TNXB: variants seen among roughly 807,000 people sequenced by gnomAD.
TNXB encodes the protein tenascin-X.
Under a neutral mutation model 340.5 loss-of-function variants are expected in TNXB, and 183 were observed. The ratio of observed to expected loss-of-function variants is 0.54; its 90% CI spans 0.48 to 0.61. The LOEUF (loss-of-function observed/expected upper bound fraction) is 0.61. Among genes scored for constraint, TNXB ranks in the 20% least tolerant of loss-of-function variants. TNXB has a pLI of 0.00. For missense variants in TNXB, 4,613 were observed against 5,446.4 expected (o/e 0.85, Z 4.82); for synonymous variants, 2,121 against 2,314.5 (o/e 0.92, Z 2.40).
intron 11 of TNXB, chr6:32,078,486 A>C (rs997681281): frequency 6.5e-6 from 1 of 152,960 alleles, no homozygotes; most frequent in East Asian, 1.9e-4. Context: ...GAAAGAAAAG[A>C]AAGCTTGCTT....
rs757106779 is a variant in TNXB at position 32,097,750 on chromosome 6, C to T, written c.403+46G>A. 5.4e-6 allele frequency: 8 copies of T among 1,489,394 alleles called. No individual in the cohort carries two copies. The highest frequency in any genetic ancestry group is 2.9e-5 in the South Asian group (2 of 68,716). 92.3% of individuals were successfully genotyped at this position (1,489,394 alleles called of 1,614,324 possible). A position where few individuals can be genotyped will look rare whatever the true frequency, so the allele number is the denominator to read the frequency against. On this transcript the variant is annotated intron_variant, in intron 2 of 43. Coordinates refer to ENST00000644971, the MANE Select transcript of TNXB (RefSeq NM_001365276.2). This position sits in a 1 kb window ranked among gnomAD's most constrained non-coding sequence, Gnocchi z 5.9. ...AAGGACCTTTATGGACTAGCAATGC[C>T]CACCCCACCCCACCTCTCCACCCTC... is the stretch of plus-strand genomic sequence containing the variant.
At chr6:32,093,244 C>A in intron 4 of TNXB, 1 of 644,388 alleles carries the variant, frequency 1.6e-6, no homozygotes, top group Non-Finnish European at 2.8e-6. Context: ...GTTAGCAGTG[C>A]TTGTTTTAGT....
rs1777439723 is a variant in TNXB, at chr6:32,053,609, G to A, written c.8570C>T (p.Pro2857Leu). The A allele has an allele frequency of 3.7e-6, 6 of 1,613,648 alleles. No individual in the cohort carries two copies. The highest frequency in any genetic ancestry group is 5.1e-6 in the Non-Finnish European group (6 of 1,179,842). Reference sequence around the variant, plus strand: ...CATCCAGGACAGGCTGAGGGAGTCAGGGGTGGCATCTGTCACGGTCAGCTC... The same window carrying A: ...CATCCAGGACAGGCTGAGGGAGTCAAGGGTGGCATCTGTCACGGTCAGCTC... ...LGELTVTDAT[P>L]DSLSLSWMVP... The change falls in exon 25 of 44, where the codon CCT (proline) becomes CTT (leucine). Residue 2857 changes from proline (P) to leucine (L), a missense_variant. By Grantham distance (98) the Pro-to-Leu change is moderately conservative (BLOSUM62 -3). Coordinates refer to ENST00000644971, the MANE Select transcript of TNXB (RefSeq NM_001365276.2).
chr6:32,062,826 C>T lies in TNXB; in HGVS notation c.6842-343G>A, dbSNP rs1183224762. On this transcript the variant is annotated intron_variant, in intron 19 of 43. Coordinates refer to ENST00000644971, the MANE Select transcript of TNXB (RefSeq NM_001365276.2). This position sits in a 1 kb window ranked among gnomAD's most constrained non-coding sequence, Gnocchi z 4.3. ...ATCTCAGCACTTTGGGAGGCCGAGG[C>T]GGGCGGATCATGAGGTCAGGAGATT... Among the ~76,000 whole-genome samples the T allele has an allele frequency of 2.6e-5, 4 of 151,616 alleles. No homozygotes were observed. Among genetic ancestry groups the T allele is most frequent in the Admixed American group, 1.3e-4 (2 of 15,196 alleles).
Position 32,048,386 on chromosome 6 carries a change from G to A in TNXB, c.10022C>T (p.Pro3341Leu). The A allele has an allele frequency of 6.6e-7, 1 of 1,521,922 alleles. No homozygotes were observed. Among genetic ancestry groups the A allele is most frequent in the Non-Finnish European group, 8.9e-7 (1 of 1,129,708 alleles). The allele number at this position is 1,521,922 out of a possible 1,614,324, so 94.3% of individuals were successfully genotyped here. ...ACCGGTCCTGGCCTCCACAGGGACTGGGCCGTGGCGTTTCCCATTCTGGAG... is the reference window on the plus strand; with the variant it reads ...ACCGGTCCTGGCCTCCACAGGGACTAGGCCGTGGCGTTTCCCATTCTGGAG... ...FGLQNGKRHGPVPVEARTAPD... is the reference protein window; with the variant it reads ...FGLQNGKRHGLVPVEARTAPD... Residue 3341 changes from proline (P) to leucine (L), a missense_variant, in exon 29 of 44, where the codon CCA (proline) becomes CTA (leucine). By Grantham distance (98) the Pro-to-Leu change is moderately conservative. This residue lies in a region of TNXB where 4,327 missense variants were observed against 4,859.4 expected (regional missense o/e 0.89). Transcript: ENST00000644971.
chr6:32,067,768 C>G lies in TNXB; in HGVS notation c.6437G>C (p.Ser2146Thr). Residue 2146 changes from serine to threonine, a missense_variant, in exon 18 of 44, where the codon AGT becomes ACT. By Grantham distance (58) the Ser-to-Thr change is moderately conservative. Around this residue, in one of 7 missense-constraint regions of TNXB, gnomAD observed 4,327 missense variants for 4,859.4 expected, o/e 0.89. Coordinates refer to ENST00000644971, the MANE Select transcript of TNXB (RefSeq NM_001365276.2). This position sits in a 1 kb window ranked among gnomAD's most constrained non-coding sequence, Gnocchi z 4.2. ...CTCCAGGCCCCCCACGGTGACTTCA[C>G]TCTCCTCGCCCCCAACACGCACCAC... The part of the protein sequence containing the change: ...PQVVRVGGEE[S>T]EVTVGGLEPG... 1.2e-6 allele frequency: 2 copies of G among 1,613,640 alleles called. No homozygotes were observed. Among genetic ancestry groups the G allele is most frequent in the Non-Finnish European group, 1.7e-6 (2 of 1,179,864 alleles).
rs767643312 is a variant in TNXB, at chr6:32,058,109, C to T, written c.7774G>A (p.Gly2592Ser). Residue 2592 changes from glycine to serine, a missense_variant, in exon 22 of 44, where the codon GGC (glycine) becomes AGC (serine). Physicochemically the swap from Gly to Ser is moderately conservative, Grantham distance 56. Around this residue, in one of 7 missense-constraint regions of TNXB, gnomAD observed 4,327 missense variants for 4,859.4 expected, o/e 0.89. Transcript: ENST00000644971. The surrounding 1 kb of genome is among the most constrained non-coding windows in gnomAD (Gnocchi z 5.1). ...CCCAGGCGCCGCCCCTCGTGGAGGC[C>T]GTACAGGTGCATCTTGTACTTGCGC... ...PGRKYKMHLY[G>S]LHEGRRLGPV... is the part of the protein sequence containing the mutation. The T allele has an allele frequency of 2.4e-5, 38 of 1,612,508 alleles. No individual in the cohort carries two copies. Among genetic ancestry groups the T allele is most frequent in the Non-Finnish European group, 3.1e-5 (36 of 1,179,724 alleles).
intron 1 of TNXB, among the ~76,000 whole-genome samples, chr6:32,107,841 G>A (rs1198161943): frequency 2.6e-5 from 4 of 152,110 alleles, no homozygotes; most frequent in African/African-American, 9.7e-5. Flanking sequence ...ATCTGGCAAT[G>A]AGAGGTGAAG....
In TNXB at chr6:32,097,514, T is replaced by G; in HGVS notation, c.404-65A>C. ...TGGGAGAGAGGCTGAGCCTATGTAG[T>G]GCTCCTATGTGCAGGCCCCTAGCCA... On this transcript the variant is annotated intron_variant, in intron 2 of 43. Coordinates refer to ENST00000644971, the MANE Select transcript of TNXB (RefSeq NM_001365276.2). The surrounding 1 kb of genome is among the most constrained non-coding windows in gnomAD (Gnocchi z 5.9). 1 of 1,524,826 alleles carries G rather than the reference T, an allele frequency of 6.6e-7. No homozygotes were observed. Among genetic ancestry groups the G allele is most frequent in the Non-Finnish European group, 8.8e-7 (1 of 1,137,546 alleles). The allele number at this position is 1,524,826 out of a possible 1,614,324, so 94.5% of individuals were successfully genotyped here.
Position 32,082,389 on chromosome 6 carries a change from C to T in TNXB, c.3446-63G>A, listed in dbSNP as rs996674256. The T allele has an allele frequency of 7.4e-6, 11 of 1,478,484 alleles. No individual in the cohort carries two copies. In the African/African-American group the frequency reaches 1.5e-4, roughly 21 times the overall value. The allele number at this position is 1,478,484 out of a possible 1,614,324, so 91.6% of individuals were successfully genotyped here. A position where few individuals can be genotyped will look rare whatever the true frequency, so the allele number is the denominator to read the frequency against. Reference sequence around the variant, plus strand: ...TCCAAGGAGAATGGGGAAGCCAAATCCCACATAGGAATGCTGTGTGAGGCT... The same window carrying T: ...TCCAAGGAGAATGGGGAAGCCAAATTCCACATAGGAATGCTGTGTGAGGCT... On this transcript the variant is annotated intron_variant, in intron 8 of 43. Transcript: ENST00000644971. The surrounding 1 kb of genome is among the most constrained non-coding windows in gnomAD (Gnocchi z 5.0).
At chr6:32,050,425 C>T in intron 26 of TNXB, 104 bp from the exon 27 acceptor site, 1 of 1,411,510 alleles carries the variant, frequency 7.1e-7, no homozygotes, top group Non-Finnish European at 9.7e-7. Context: ...ACGATGCTGC[C>T]CACAGCGCCT....
In TNXB at chr6:32,069,770, G is replaced by A. The variant is rs1778645459; in HGVS notation, c.5370C>T (p.Asn1790=). The A allele has an allele frequency of 1.2e-6, 2 of 1,611,734 alleles. No homozygotes were observed. The highest frequency in any genetic ancestry group is 2.7e-5 in the African/African-American group (2 of 74,868). The change falls in exon 15 of 44, where the codon AAC becomes AAT. Residue 1790 remains asparagine, a synonymous_variant. Coordinates refer to ENST00000644971, the MANE Select transcript of TNXB (RefSeq NM_001365276.2). The surrounding 1 kb of genome is among the most constrained non-coding windows in gnomAD (Gnocchi z 6.2). The stretch of plus-strand genomic sequence containing the variant: ...GGACTGTCCAGGAGAGGCCCACGGA[G>A]TTCTGGGTCACGGTGGTCACCTGCA... The part of the protein sequence containing the change: ...EELQVTTVTQ[N]SVGLSWTVPE...
rs746370739 is a variant in TNXB at position 32,097,820 on chromosome 6, G to C, written c.379C>G (p.Pro127Ala). Residue 127 changes from proline to alanine, a missense_variant, in exon 2 of 44, where the codon CCT becomes GCT. Coordinates refer to ENST00000644971, the MANE Select transcript of TNXB (RefSeq NM_001365276.2). The surrounding 1 kb of genome is among the most constrained non-coding windows in gnomAD (Gnocchi z 5.9). ...CCTGTGCCAGCTTGGGCAGAGGCAG[G>C]ACAACATCCCCCAGTGCACTGTTCC... Reference protein sequence around the residue: ...LKEQCTGGCCPASAQAGTGQT... With the variant: ...LKEQCTGGCCAASAQAGTGQT... 1 of 1,507,344 alleles carries C rather than the reference G, an allele frequency of 6.6e-7. No homozygotes were observed. Among genetic ancestry groups the C allele is most frequent in the South Asian group, 1.4e-5 (1 of 72,962 alleles). 93.4% of individuals were successfully genotyped at this position (1,507,344 alleles called of 1,614,324 possible).
At position 32,096,379 on chromosome 6, in the gene TNXB, A is replaced by C; in HGVS notation, c.1474T>G (p.Cys492Gly). The C allele has an allele frequency of 1.3e-6, 2 of 1,563,168 alleles. No homozygotes were observed. The highest frequency in any genetic ancestry group is 1.2e-5 in the South Asian group (1 of 86,142). The change falls in exon 3 of 44, where the codon TGC (cysteine) becomes GGC (glycine). Residue 492 changes from cysteine to glycine, a missense_variant. Coordinates refer to ENST00000644971, the MANE Select transcript of TNXB (RefSeq NM_001365276.2). ...TCGCCAGGACAGGCGCGCGTGCCGC[A>C]GTCCCGGCCTGTGTACCCCGGCCAA... is the stretch of plus-strand genomic sequence containing the variant. The part of the protein sequence containing the change: ...MCWPGYTGRD[C>G]GTRACPGDCR...
Position 32,084,203 on chromosome 6 carries a change from C to A in TNXB, c.3445+210G>T, listed in dbSNP as rs1419405581. 6.6e-6 allele frequency among the ~76,000 whole-genome samples: 1 copy of A among 152,172 alleles called. No homozygotes were observed. Among genetic ancestry groups the A allele is most frequent in the African/African-American group, 2.4e-5 (1 of 41,430 alleles). On this transcript the variant is annotated intron_variant, in intron 8 of 43. Coordinates refer to ENST00000644971, the MANE Select transcript of TNXB (RefSeq NM_001365276.2). This position sits in a 1 kb window ranked among gnomAD's most constrained non-coding sequence, Gnocchi z 5.5. ...AACAGTGATTCTCTTACTGGCCATG[C>A]TCTCCCCACCTTACTCACCGTGACT... is the stretch of plus-strand genomic sequence containing the variant.
chr6:32,050,566 G>T (rs988963324), intron 26 of TNXB, among the ~76,000 whole-genome samples: 2 of 123,052 alleles, frequency 1.6e-5, no homozygotes, highest in African/African-American at 3.0e-5. Flanking sequence ...CTCCAGCACC[G>T]CCTCTCTTTT....
chr6:32,056,014 C>A lies in TNXB; in HGVS notation c.8304G>T (p.Val2768=). 1 of 1,613,208 alleles carries A rather than the reference C, an allele frequency of 6.2e-7. No homozygotes were observed. Among genetic ancestry groups the A allele is most frequent in the Non-Finnish European group, 8.5e-7 (1 of 1,179,884 alleles). ...IPQGHFDSFT[V]QYKDRDGRPQ... ...GCCGCCCGTCCCTGTCCTTGTACTG[C>A]ACGGTGAAGGAGTCGAAGTGGCCCT... is the stretch of plus-strand genomic sequence containing the variant. The change falls in exon 24 of 44, where the codon GTG becomes GTT. Residue 2768 remains valine, a synonymous_variant. Transcript: ENST00000644971.
Position 32,079,317 on chromosome 6 carries a change from G to T in TNXB, c.4091C>A (p.Thr1364Lys). 1 of 1,612,636 alleles carries T rather than the reference G, an allele frequency of 6.2e-7. No individual in the cohort carries two copies. The highest frequency in any genetic ancestry group is 8.5e-7 in the Non-Finnish European group (1 of 1,179,726). Residue 1364 changes from threonine (T) to lysine (K), a missense_variant, in exon 11 of 44, where the codon ACG (threonine) becomes AAG (lysine). Physicochemically the swap from Thr to Lys is moderately conservative, Grantham distance 78 (BLOSUM62 -1). Transcript: ENST00000644971. The surrounding 1 kb of genome is among the most constrained non-coding windows in gnomAD (Gnocchi z 7.1). ...DETPSPTELGTEAPESPEEPL... is the reference protein window; with the variant it reads ...DETPSPTELGKEAPESPEEPL... ...CTCCTCGGGGGACTCCGGGGCCTCCGTGCCCAGTTCTGTGGGGCTGGGGGT... is the reference window on the plus strand; with the variant it reads ...CTCCTCGGGGGACTCCGGGGCCTCCTTGCCCAGTTCTGTGGGGCTGGGGGT...
rs1235262872 is a variant in TNXB, at chr6:32,072,795, C to CA, written c.4682-498dup. On this transcript the variant is annotated intron_variant, in intron 12 of 43. Transcript: ENST00000644971. This position sits in a 1 kb window ranked among gnomAD's most constrained non-coding sequence, Gnocchi z 4.4. The stretch of plus-strand genomic sequence containing the variant: ...CGAAACCCTGTTTCTACTAAAAATA[C>CA]AAAAAATTAGCTGGGTGTGGTGGCA... Among the ~76,000 whole-genome samples, 3 of 152,064 alleles carry CA rather than the reference C, an allele frequency of 2.0e-5. No individual in the cohort carries two copies. Among genetic ancestry groups the CA allele is most frequent in the African/African-American group, 7.2e-5 (3 of 41,420 alleles).
Sources: allele counts gnomAD v4.1 joint callset (sites outside exome capture counted in the v4.1 genomes callset), GRCh38; gene constraint gnomAD v4.1.1; regional missense constraint gnomAD v4.1.1; non-coding constraint Gnocchi (gnomAD v3.1); transcripts MANE v1.5; gene names NCBI Gene and HGNC (gene_info 2026-07-23, HGNC 2026-07-21).